Variants in MYRIP observed in about 807,000 individuals in gnomAD.
The protein encoded by MYRIP is myosin VIIA and Rab interacting protein, also known as rab effector MyRIP.
Under a neutral mutation model 98.0 loss-of-function variants are expected in MYRIP, and 49 were observed. That is an observed-to-expected ratio of 0.50 (90% CI 0.40 to 0.63). The LOEUF is 0.63. MYRIP is among the 30% of genes least tolerant of loss of function. The probability of loss-of-function intolerance (pLI) is 0.00; values close to 1 mark genes in which losing one functional copy is unlikely to be tolerated. For missense variants in MYRIP, 1,004 were observed against 1,058.2 expected, an observed-to-expected ratio of 0.95 and a Z score of 0.71; for synonymous variants, 404 against 409.5, an observed-to-expected ratio of 0.99 and a Z score of 0.16.
chr3:39,889,596 G>A (rs1943424304), intron 1 of MYRIP, among the ~76,000 whole-genome samples: 2 of 152,268 alleles, frequency 1.3e-5, no homozygotes, highest in South Asian at 4.1e-4. Flanking sequence ...GAGTTAGTGG[G>A]TGCAGTGCAC....
Position 40,145,459 on chromosome 3 carries a change from G to A in MYRIP, c.333-5589G>A, listed in dbSNP as rs567874954. ...TTCATTTTTTCCACCAAACCAGGGG[G>A]AGAAGATAATGTTTGCCTTCTGCCC... On this transcript the variant is annotated intron_variant, in intron 3 of 16. Coordinates refer to ENST00000302541, the MANE Select transcript of MYRIP (RefSeq NM_015460.4). Among the ~76,000 whole-genome samples, 4 of 152,296 alleles carry A rather than the reference G, an allele frequency of 2.6e-5. 1 individual carries two copies. The highest frequency in any genetic ancestry group is 2.6e-4 in the Admixed American group (4 of 15,296).
At chr3:40,241,483 C>T (rs2125709959) in intron 12 of MYRIP, among the ~76,000 whole-genome samples, 1 of 152,276 alleles carries the variant, frequency 6.6e-6, no homozygotes, top group South Asian at 2.1e-4. Flanking sequence ...TCATGGAAGC[C>T]ACATCCAACA....
chr3:39,964,396 A>G lies in MYRIP; in HGVS notation c.110+63470A>G, dbSNP rs141234244. Among the ~76,000 whole-genome samples the G allele has an allele frequency of 3.4e-3, 521 of 152,294 alleles. 1 individual carries two copies. The highest frequency in any genetic ancestry group is 5.4e-3 in the Non-Finnish European group (367 of 68,024). ...ACCACTGATAAAGAGGTGGCAGCATAGGGCTCCTCACAATTGTGTTTGTTA... is the reference window on the plus strand; with the variant it reads ...ACCACTGATAAAGAGGTGGCAGCATGGGGCTCCTCACAATTGTGTTTGTTA... On this transcript the variant is annotated intron_variant, in intron 2 of 16. Coordinates refer to ENST00000302541, the MANE Select transcript of MYRIP (RefSeq NM_015460.4).
intron 10 of MYRIP, among the ~76,000 whole-genome samples, chr3:40,208,410 T>C (rs1951837909): frequency 6.6e-6 from 1 of 152,188 alleles, no homozygotes; most frequent in Non-Finnish European, 1.5e-5. Context: ...CCATATTATG[T>C]ACATATGAAC....
In MYRIP at chr3:40,258,218, G is replaced by A. The variant is rs1025813369; in HGVS notation, c.*52G>A. 7 of 1,609,120 alleles carry A rather than the reference G, an allele frequency of 4.4e-6. No individual in the cohort carries two copies. The East Asian group carries it at 1.3e-4, about 31-fold the overall frequency. On this transcript the variant is annotated 3_prime_UTR_variant, in exon 17 of 17. Coordinates refer to ENST00000302541, the MANE Select transcript of MYRIP (RefSeq NM_015460.4). ...CCACTGCCTCCGGCCGTACACGACA[G>A]TGCCTTGACCCAACAGCCATCGAGT...
chr3:39,900,574 T>C (rs1360113574), intron 1 of MYRIP, among the ~76,000 whole-genome samples: 1 of 152,162 alleles, frequency 6.6e-6, no homozygotes, highest in Non-Finnish European at 1.5e-5. Context: ...ATTGGGATGA[T>C]GAAACTGGCA....
intron 1 of MYRIP, among the ~76,000 whole-genome samples, chr3:39,868,899 G>T (rs191892384): frequency 1.3e-5 from 2 of 152,084 alleles, no homozygotes; most frequent in African/African-American, 2.4e-5. Flanking sequence ...ACAATTTCTC[G>T]TAAGAGGTCA....
intron 3 of MYRIP, among the ~76,000 whole-genome samples, chr3:40,138,374 T>A (rs146953226): frequency 1.3e-3 from 203 of 152,326 alleles, no homozygotes; most frequent in African/African-American, 4.2e-3. Context: ...ATTTTGTGGA[T>A]GAGAAAACTG....
intron 1 of MYRIP, among the ~76,000 whole-genome samples, chr3:39,886,255 C>T (rs1453363215): frequency 4.0e-5 from 6 of 150,940 alleles, no homozygotes; most frequent in South Asian, 2.1e-4. Flanking sequence ...TAAAGACCAT[C>T]GAGACTAGGA....
intron 2 of MYRIP, among the ~76,000 whole-genome samples, chr3:40,041,014 T>TAAAAAAAAAAAAAA (rs1947509828): frequency 2.2e-5 from 1 of 45,234 alleles, no homozygotes; most frequent in African/African-American, 8.6e-5. Context: ...AAGAAAATAT[T>TAAAAAAAAAAAAAA]ACCAGCAGAA....
At chr3:40,196,235 T>C (rs1951389229) in intron 10 of MYRIP, among the ~76,000 whole-genome samples, 1 of 152,046 alleles carries the variant, frequency 6.6e-6, no homozygotes, top group Non-Finnish European at 1.5e-5. Flanking sequence ...TTTTGCTTCC[T>C]AGTCTGTTAA....
intron 1 of MYRIP, among the ~76,000 whole-genome samples, chr3:39,813,440 G>A (rs1024274158): frequency 1.2e-4 from 19 of 152,174 alleles, no homozygotes; most frequent in Non-Finnish European, 2.2e-4. Context: ...CAAGAGTGTT[G>A]AGTGTTTGTC....
At chr3:40,159,865 T>C (rs1192780014) in intron 4 of MYRIP, among the ~76,000 whole-genome samples, 1 of 152,248 alleles carries the variant, frequency 6.6e-6, no homozygotes, top group Non-Finnish European at 1.5e-5. Flanking sequence ...TAAGCACTTC[T>C]CTGTGTTAGT....
intron 3 of MYRIP, among the ~76,000 whole-genome samples, chr3:40,105,110 C>G (rs929856901): frequency 1.3e-5 from 2 of 152,144 alleles, no homozygotes; most frequent in Admixed American, 6.5e-5. Flanking sequence ...TATTACTTCT[C>G]ATCATGGAAC....
chr3:40,136,294 T>C (rs1575566715), intron 3 of MYRIP, among the ~76,000 whole-genome samples: 1 of 152,208 alleles, frequency 6.6e-6, no homozygotes, highest in Non-Finnish European at 1.5e-5. Flanking sequence ...AGAAGGCCAT[T>C]ACATAATGGT....
chr3:39,998,254 A>G (rs1001473156), intron 2 of MYRIP, among the ~76,000 whole-genome samples: 3 of 152,236 alleles, frequency 2.0e-5, no homozygotes, highest in Non-Finnish European at 4.4e-5. Context: ...GTCCGTTTGC[A>G]GATGACATGA....
At chr3:40,188,127 G>T (rs1179625617) in intron 9 of MYRIP, among the ~76,000 whole-genome samples, 1 of 152,220 alleles carries the variant, frequency 6.6e-6, no homozygotes, top group Non-Finnish European at 1.5e-5. Context: ...CAGTGGAAGT[G>T]GAACTGGGTT....
At chr3:39,912,528 A>G (rs1176751376) in intron 2 of MYRIP, among the ~76,000 whole-genome samples, 2 of 152,198 alleles carry the variant, frequency 1.3e-5, no homozygotes, top group African/African-American at 2.4e-5. Context: ...ATCCTTTAAA[A>G]CCAGAAACTT....
chr3:40,195,232 A>G (rs9311235), intron 10 of MYRIP, among the ~76,000 whole-genome samples: 133,877 of 152,282 alleles, frequency 0.88, 59,002 homozygotes, highest in Middle Eastern at 0.95. Context: ...AAACAATTTA[A>G]ATCAGGAACG....
Sources: allele counts gnomAD v4.1 joint callset (sites outside exome capture counted in the v4.1 genomes callset), GRCh38; gene constraint gnomAD v4.1.1; transcripts MANE v1.5; gene names NCBI Gene and HGNC (gene_info 2026-07-23, HGNC 2026-07-21).